The following EBF3 variants were observed in gnomAD, a reference collection of about 807,000 sequenced individuals.
EBF3 encodes the protein EBF transcription factor 3, also known as transcription factor COE3.
A neutral mutation model predicts 77.1 loss-of-function variants in EBF3; 18 were observed. That is an observed-to-expected ratio of 0.23 (90% CI 0.16 to 0.35). EBF3 has a LOEUF of 0.35. Among genes scored for constraint, EBF3 ranks in the 10% least tolerant of loss-of-function variants. The probability of loss-of-function intolerance (pLI) is 1.00; values close to 1 mark genes in which losing one functional copy is unlikely to be tolerated. For synonymous variants in EBF3, 350 were observed against 343.5 expected, an observed-to-expected ratio of 1.02 and a Z score of -0.21; for missense variants, 558 against 860.0, an observed-to-expected ratio of 0.65 and a Z score of 4.39.
chr10:129,841,997 G>C lies in EBF3; in HGVS notation c.1372+119C>G. On this transcript the variant is annotated intron_variant, in intron 13 of 16. Coordinates refer to ENST00000440978, the MANE Select transcript of EBF3 (RefSeq NM_001375380.1). The surrounding 1 kb of genome is among the most constrained non-coding windows in gnomAD (Gnocchi z 4.6). ...GAGCAAAGGAACCAGCAGAGCCAGA[G>C]AGAACAGAACGCTACGGACATTCCC... The C allele has an allele frequency of 7.6e-7, 1 of 1,324,074 alleles. No individual in the cohort carries two copies. Among genetic ancestry groups the C allele is most frequent in the Non-Finnish European group, 1.0e-6 (1 of 961,536 alleles). 82.0% of individuals were successfully genotyped at this position (1,324,074 alleles called of 1,614,324 possible).
chr10:129,871,844 G>C lies in EBF3; in HGVS notation c.781+1608C>G, dbSNP rs375289043. Among the ~76,000 whole-genome samples, 4 of 152,258 alleles carry C rather than the reference G, an allele frequency of 2.6e-5. No homozygotes were observed. The East Asian group carries it at 7.7e-4, about 29-fold the overall frequency. ...TTTTTAAATTAGTAGTCACTTTCTA[G>C]GGTGGGACAAGATATTTCAATCTCT... On this transcript the variant is annotated intron_variant, in intron 8 of 16. Coordinates refer to ENST00000440978, the MANE Select transcript of EBF3 (RefSeq NM_001375380.1).
At chr10:129,937,341 C>A (rs1180891211) in intron 6 of EBF3, among the ~76,000 whole-genome samples, 1 of 152,134 alleles carries the variant, frequency 6.6e-6, no homozygotes, top group African/African-American at 2.4e-5. Flanking sequence ...CAAATCTAGA[C>A]AAGCCTTCCC....
At chr10:129,948,081 A>T (rs1858363770) in intron 6 of EBF3, among the ~76,000 whole-genome samples, 1 of 151,884 alleles carries the variant, frequency 6.6e-6, no homozygotes, top group Non-Finnish European at 1.5e-5. Context: ...ACATGGTGAA[A>T]CCCCGTCTCT....
chr10:129,954,148 G>A (rs1431610380), intron 6 of EBF3, among the ~76,000 whole-genome samples: 2 of 152,140 alleles, frequency 1.3e-5, no homozygotes, highest in African/African-American at 4.8e-5. Flanking sequence ...ACTTGCATTT[G>A]GTTCTCTGCA....
At chr10:129,849,395 A>C (rs984662668) in intron 10 of EBF3, among the ~76,000 whole-genome samples, 1 of 152,214 alleles carries the variant, frequency 6.6e-6, no homozygotes, top group Non-Finnish European at 1.5e-5. Context: ...TCGGAGACTA[A>C]TAAGACCTGC....
chr10:129,843,043 T>G (rs1380505202), intron 12 of EBF3, 94 bp downstream of exon 12: 1 of 1,260,706 alleles, frequency 7.9e-7, no homozygotes, highest in Non-Finnish European at 1.1e-6. Context: ...AAAAGCATGC[T>G]TATGTCCAGA....
At position 129,839,148 on chromosome 10, in the gene EBF3, G is replaced by T. The variant is rs1409654198; in HGVS notation, c.1807C>A (p.Pro603Thr). The change falls in exon 16 of 17, where the codon CCC becomes ACC. Residue 603 changes from proline to threonine, a missense_variant. Transcript: ENST00000440978. ...AATATGCCACCGACTTCACAAAAGG[G>T]CCAGTTTGTCTTCTCCGCGGCTACG... ...EDVAAEKTNW[P>T]FCEVGGIFHF... 1 of 1,304,418 alleles carries T rather than the reference G, an allele frequency of 7.7e-7. No individual in the cohort carries two copies. 80.8% of individuals were successfully genotyped at this position (1,304,418 alleles called of 1,614,324 possible).
intron 6 of EBF3, among the ~76,000 whole-genome samples, chr10:129,919,885 G>T (rs1011166799): frequency 6.6e-6 from 1 of 152,154 alleles, no homozygotes; most frequent in Non-Finnish European, 1.5e-5. Flanking sequence ...GGCACCTGTA[G>T]ATGCCCCAGA....
intron 6 of EBF3, among the ~76,000 whole-genome samples, chr10:129,939,002 G>A (rs1232907525): frequency 6.6e-6 from 1 of 152,168 alleles, no homozygotes; most frequent in Non-Finnish European, 1.5e-5. Flanking sequence ...GGCTCTTGAT[G>A]TCTTTCTTTT....
chr10:129,894,774 G>GT (rs1172386570), intron 6 of EBF3, among the ~76,000 whole-genome samples: 1 of 152,212 alleles, frequency 6.6e-6, no homozygotes, highest in East Asian at 1.9e-4. Flanking sequence ...AACATCATCT[G>GT]TTTTCAACTT....
chr10:129,914,465 G>A (rs1056053431), intron 6 of EBF3, among the ~76,000 whole-genome samples: 1 of 152,128 alleles, frequency 6.6e-6, no homozygotes, highest in East Asian at 1.9e-4. Flanking sequence ...ACTCGGAACC[G>A]CAGGGTGGGG....
intron 6 of EBF3, among the ~76,000 whole-genome samples, chr10:129,948,259 CAAAAAAAAAAAAA>C (rs71481027): frequency 0.071 from 3,253 of 45,804 alleles, 98 homozygotes; most frequent in Middle Eastern, 0.15. Context: ...AACTCCGTCT[CAAAAAAAAAAAAA>C]AAAAAAAAAA....
chr10:129,897,809 C>T lies in EBF3; in HGVS notation c.555-19960G>A, dbSNP rs1293135728. On this transcript the variant is annotated intron_variant, in intron 6 of 16. Coordinates refer to ENST00000440978, the MANE Select transcript of EBF3 (RefSeq NM_001375380.1). This position sits in a 1 kb window ranked among gnomAD's most constrained non-coding sequence, Gnocchi z 4.6. ...TCCTACATTTATCGTGACGGGGCCA[C>T]TTGTGGGTATGCGAGTACATGGCGG... 6.6e-6 allele frequency among the ~76,000 whole-genome samples: 1 copy of T among 152,166 alleles called. No individual in the cohort carries two copies. Among genetic ancestry groups the T allele is most frequent in the Non-Finnish European group, 1.5e-5 (1 of 68,030 alleles).
At chr10:129,949,225 C>T (rs943799449) in intron 6 of EBF3, among the ~76,000 whole-genome samples, 3 of 152,150 alleles carry the variant, frequency 2.0e-5, no homozygotes, top group African/African-American at 7.2e-5. Context: ...CACTTGAACC[C>T]GGGAAGCGGA....
In EBF3 at chr10:129,842,105, T is replaced by G; in HGVS notation, c.1372+11A>C. On this transcript the variant is annotated intron_variant, in intron 13 of 16. Coordinates refer to ENST00000440978, the MANE Select transcript of EBF3 (RefSeq NM_001375380.1). This position sits in a 1 kb window ranked among gnomAD's most constrained non-coding sequence, Gnocchi z 4.4. ...GTTCAGGGCAGGGGTCCTCCCAGCA[T>G]GCTGGCATACCTTGGTCGTTGGCTT... The G allele has an allele frequency of 6.2e-7, 1 of 1,614,148 alleles. No homozygotes were observed. Among genetic ancestry groups the G allele is most frequent in the Non-Finnish European group, 8.5e-7 (1 of 1,180,008 alleles).
chr10:129,919,090 G>C (rs79711403), intron 6 of EBF3, among the ~76,000 whole-genome samples: 2,976 of 152,306 alleles, frequency 0.02, 102 homozygotes, highest in African/African-American at 0.067. Context: ...GAGGTGCTTG[G>C]GGACAGTGGG....
chr10:129,923,988 T>C (rs1856479220), intron 6 of EBF3, among the ~76,000 whole-genome samples: 1 of 152,222 alleles, frequency 6.6e-6, no homozygotes, highest in South Asian at 2.1e-4. Context: ...AATAGCCGTT[T>C]GCCCAAAGAA....
intron 6 of EBF3, among the ~76,000 whole-genome samples, chr10:129,883,631 AG>A (rs146962001): frequency 3.9e-5 from 6 of 152,258 alleles, no homozygotes; most frequent in Non-Finnish European, 8.8e-5. Context: ...TTCCGGATCG[AG>A]CCCCCATGTT....
At chr10:129,878,312 G>A (rs1852935571) in intron 6 of EBF3, among the ~76,000 whole-genome samples, 1 of 152,128 alleles carries the variant, frequency 6.6e-6, no homozygotes, top group South Asian at 2.1e-4. Flanking sequence ...AATTTCACTG[G>A]ATGTGCCATA....
Sources: allele counts gnomAD v4.1 joint callset (sites outside exome capture counted in the v4.1 genomes callset), GRCh38; gene constraint gnomAD v4.1.1; non-coding constraint Gnocchi (gnomAD v3.1); transcripts MANE v1.5; gene names NCBI Gene and HGNC (gene_info 2026-07-23, HGNC 2026-07-21).